CFAP69: variants seen among roughly 807,000 people sequenced by gnomAD.
The protein encoded by CFAP69 is cilia- and flagella-associated protein 69.
CFAP69 carries 92 observed loss-of-function variants against 123.0 expected under a neutral mutation model. That is an observed-to-expected ratio of 0.75 (90% CI 0.63 to 0.89). CFAP69 has a LOEUF of 0.89. Among genes scored for constraint, CFAP69 ranks in the 40% least tolerant of loss-of-function variants. CFAP69 has a pLI of 0.00. For missense variants in CFAP69, 1,067 were observed against 1,096.9 expected (o/e 0.97, Z 0.39); for synonymous variants, 380 against 364.3 (o/e 1.04, Z -0.49).
At chr7:90,303,458 C>T (rs1584537743) in intron 17 of CFAP69, 1 of 603,312 alleles carries the variant, frequency 1.7e-6, no homozygotes. Flanking sequence ...TCATAGATGG[C>T]TCTTATTATT....
Position 90,304,088 on chromosome 7 carries a change from G to A in CFAP69, c.2170G>A (p.Ala724Thr), listed in dbSNP as rs1307243246. The A allele has an allele frequency of 6.5e-7, 1 of 1,549,870 alleles. No individual in the cohort carries two copies. Among genetic ancestry groups the A allele is most frequent in the Admixed American group, 2.0e-5 (1 of 50,834 alleles). The stretch of plus-strand genomic sequence containing the variant: ...TGAGAATATTAGAGCAAAAATTTAT[G>A]CTATATTGGGCAAACTAGGTAAGAA... ...VSENIRAKIY[A>T]ILGKLDFENL... The change falls in exon 18 of 23, where the codon GCT (alanine) becomes ACT (threonine). Residue 724 changes from alanine to threonine, a missense_variant. By Grantham distance (58) the Ala-to-Thr change is moderately conservative. Transcript: ENST00000389297.
the CFAP69 span, chr7:90,322,191 G>T: frequency 6.6e-6 from 1 of 152,270 alleles, no homozygotes; most frequent in Non-Finnish European, 1.5e-5. Flanking sequence ...CATTAGTTCT[G>T]CCCTGGCAAT....
chr7:90,258,724 G>A (rs1797949093), intron 3 of CFAP69, among the ~76,000 whole-genome samples: 1 of 152,176 alleles, frequency 6.6e-6, no homozygotes, highest in African/African-American at 2.4e-5. Flanking sequence ...AAATACTGGA[G>A]AGGCCATTAT....
chr7:90,288,489 C>A, intron 15 of CFAP69, 137 bp downstream of exon 15: 2 of 1,003,472 alleles, frequency 2.0e-6, no homozygotes, highest in Non-Finnish European at 2.9e-6. Context: ...GTTACACAAA[C>A]ATAGATGGTA....
At chr7:90,307,692 T>G (rs1793801068) in intron 20 of CFAP69, 76 bp from the exon 21 acceptor site, 1 of 866,608 alleles carries the variant, frequency 1.2e-6, no homozygotes, top group East Asian at 2.7e-5. Context: ...CCAGCCTGGG[T>G]GACAGAGTGA....
intron 14 of CFAP69, among the ~76,000 whole-genome samples, 199 bp from the exon 15 acceptor site, chr7:90,288,035 A>T (rs1046613142): frequency 6.6e-6 from 1 of 152,116 alleles, no homozygotes; most frequent in African/African-American, 2.4e-5. Flanking sequence ...TCTTAAAATG[A>T]TTAATTTTAT....
At chr7:90,261,762 GT>G (rs1353871740) in intron 3 of CFAP69, among the ~76,000 whole-genome samples, 184 bp from the exon 4 acceptor site, 1 of 152,068 alleles carries the variant, frequency 6.6e-6, no homozygotes, top group East Asian at 1.9e-4. Flanking sequence ...AAATGAAATG[GT>G]TTTTTTAAAA....
At chr7:90,282,375 A>G (rs1789619431) in intron 12 of CFAP69, among the ~76,000 whole-genome samples, 1 of 152,122 alleles carries the variant, frequency 6.6e-6, no homozygotes, top group African/African-American at 2.4e-5. Context: ...AACTCATCTT[A>G]TACATTGTAT....
At position 90,304,043 on chromosome 7, in the gene CFAP69, A is replaced by T. The variant is rs771237096; in HGVS notation, c.2125A>T (p.Ile709Phe). Residue 709 changes from isoleucine (I) to phenylalanine (F), a missense_variant, in exon 18 of 23, where the codon ATT becomes TTT. Ile to Phe is a conservative substitution (Grantham distance 21, BLOSUM62 0). Coordinates refer to ENST00000389297, the MANE Select transcript of CFAP69 (RefSeq NM_001039706.3). ...CCCACTGCCTGCTAACTGCCCATCT[A>T]TTGCGGTTATGGATGTTTCTGAGAA... ...IIPLPANCPSIAVMDVSENIR... is the reference protein window; with the variant it reads ...IIPLPANCPSFAVMDVSENIR... 1 of 1,551,210 alleles carries T rather than the reference A, an allele frequency of 6.4e-7. No individual in the cohort carries two copies. The highest frequency in any genetic ancestry group is 2.0e-5 in the Admixed American group (1 of 50,990).
chr7:90,262,643 A>T (rs1188996346), intron 4 of CFAP69, among the ~76,000 whole-genome samples: 2 of 152,132 alleles, frequency 1.3e-5, no homozygotes, highest in Non-Finnish European at 2.9e-5. Flanking sequence ...ATAGTGGCTA[A>T]TCTAGGTATA....
intron 9 of CFAP69, among the ~76,000 whole-genome samples, chr7:90,276,511 C>A (rs887026140): frequency 4.6e-5 from 7 of 152,204 alleles, no homozygotes; most frequent in Admixed American, 2.6e-4. Context: ...CCCTAATGTG[C>A]AAAATCCAAC....
the CFAP69 span, chr7:90,318,448 T>C: frequency 6.6e-6 from 1 of 152,148 alleles, no homozygotes; most frequent in Non-Finnish European, 1.5e-5. Context: ...ATATAGAAGA[T>C]GGCTTGGTAA....
chr7:90,292,096 TG>T (rs776587354), intron 15 of CFAP69, among the ~76,000 whole-genome samples: 4 of 152,218 alleles, frequency 2.6e-5, no homozygotes, highest in Non-Finnish European at 4.4e-5. Flanking sequence ...AAGGCCAATT[TG>T]CTTTATTATA....
chr7:90,285,769 ACT>A (rs796601223), intron 13 of CFAP69, among the ~76,000 whole-genome samples: 23 of 152,174 alleles, frequency 1.5e-4, no homozygotes, highest in African/African-American at 5.3e-4. Flanking sequence ...ACCTCATGAA[ACT>A]CTGCATATTT....
At chr7:90,300,781 G>A (rs137973171) in intron 17 of CFAP69, 4,596 of 153,290 alleles carry the variant, frequency 0.03, 112 homozygotes, top group Non-Finnish European at 0.043. Context: ...CTCCCAAGTA[G>A]CTGGGACTAC....
In CFAP69 at chr7:90,277,296, G is replaced by A. The variant is rs771692972; in HGVS notation, c.1117G>A (p.Val373Ile). The change falls in exon 11 of 23, where the codon GTA becomes ATA. Residue 373 changes from valine to isoleucine, a missense_variant. Transcript: ENST00000389297. ...TGAGTTGAAGAAATTACTATTCAACGTAATTGTGATCTTATGTAAAGATTT... is the reference window on the plus strand; with the variant it reads ...TGAGTTGAAGAAATTACTATTCAACATAATTGTGATCTTATGTAAAGATTT... ...DFELKKLLFN[V>I]IVILCKDLPT... The A allele has an allele frequency of 1.2e-5, 19 of 1,584,606 alleles. 1 individual carries two copies. The highest frequency in any genetic ancestry group is 3.7e-5 in the Admixed American group (2 of 53,954).
intron 4 of CFAP69, among the ~76,000 whole-genome samples, chr7:90,262,333 A>AATT (rs915693660): frequency 2.0e-5 from 3 of 152,176 alleles, no homozygotes; most frequent in African/African-American, 7.2e-5. Flanking sequence ...GTAACCAAGG[A>AATT]ATTATAGTAT....
chr7:90,257,978 A>C, intron 2 of CFAP69, 120 bp from the exon 3 acceptor site: 1 of 665,378 alleles, frequency 1.5e-6, no homozygotes, highest in Non-Finnish European at 2.6e-6. Flanking sequence ...TTTACATTAT[A>C]ATATAGTAAT....
chr7:90,299,867 T>C lies in CFAP69; in HGVS notation c.1858T>C (p.Leu620=). 1 of 1,596,518 alleles carries C rather than the reference T, an allele frequency of 6.3e-7. No homozygotes were observed. Among genetic ancestry groups the C allele is most frequent in the Non-Finnish European group, 8.5e-7 (1 of 1,172,256 alleles). Reference sequence around the variant, plus strand: ...TTCCTTTTCTGTTTCCTTGCTAAAGTTGAACCAAAAAAAATTCTGTAATCT... The same window carrying C: ...TTCCTTTTCTGTTTCCTTGCTAAAGCTGAACCAAAAAAAATTCTGTAATCT... ...GIFLLLDLLA[L]NQKKFCNLIL... Residue 620 remains leucine (L), a splice_region_variant and synonymous_variant, in exon 17 of 23, where the codon TTG becomes CTG. Transcript: ENST00000389297.
Sources: allele counts gnomAD v4.1 joint callset (sites outside exome capture counted in the v4.1 genomes callset), GRCh38; gene constraint gnomAD v4.1.1; transcripts MANE v1.5; gene names NCBI Gene and HGNC (gene_info 2026-07-23, HGNC 2026-07-21).